The following PRKG1 variants were observed in gnomAD, a reference collection of about 807,000 sequenced individuals.
PRKG1 encodes the protein cGMP-dependent protein kinase 1.
PRKG1 carries 35 observed loss-of-function variants against 88.1 expected under a neutral mutation model. The ratio of observed to expected loss-of-function variants is 0.40; its 90% CI spans 0.30 to 0.53. The LOEUF is 0.53. PRKG1 is among the 20% of genes least tolerant of loss of function. The pLI is 0.59. For synonymous variants in PRKG1, 303 were observed against 292.5 expected, an observed-to-expected ratio of 1.04 and a Z score of -0.37; for missense variants, 540 against 839.8, an observed-to-expected ratio of 0.64 and a Z score of 4.41.
chr10:51,060,554 TACTC>T (rs1843681081), intron 1 of PRKG1, among the ~76,000 whole-genome samples: 1 of 152,176 alleles, frequency 6.6e-6, no homozygotes, highest in Admixed American at 6.5e-5. Context: ...CATTTATTAA[TACTC>T]AGACAGTGAA....
At chr10:52,262,992 G>A (rs1188635051) in intron 10 of PRKG1, among the ~76,000 whole-genome samples, 1 of 152,070 alleles carries the variant, frequency 6.6e-6, no homozygotes, top group African/African-American at 2.4e-5. Flanking sequence ...TTTGAATGTG[G>A]ATGCAGAACC....
intron 3 of PRKG1, among the ~76,000 whole-genome samples, chr10:51,615,907 T>C (rs1839040206): frequency 6.6e-6 from 1 of 152,184 alleles, no homozygotes; most frequent in African/African-American, 2.4e-5. Context: ...CCCTGTGTTC[T>C]GACCTTGATA....
At chr10:51,908,299 T>A (rs2132947534) in intron 5 of PRKG1, 1 of 152,314 alleles carries the variant, frequency 6.6e-6, no homozygotes, top group Non-Finnish European at 1.5e-5. Flanking sequence ...ACTTTTTCTC[T>A]AAAGGTTAAA....
Position 51,652,773 on chromosome 10 carries a change from T to C in PRKG1, c.593-151812T>C, listed in dbSNP as rs1003239128. ...CTATTACTTTAGCAATTTTGAAATA[T>C]GCATTACTATTAACTACAGTCACCA... On this transcript the variant is annotated intron_variant, in intron 3 of 17. Coordinates refer to ENST00000373980, the MANE Select transcript of PRKG1 (RefSeq NM_006258.4). Among the ~76,000 whole-genome samples the C allele has an allele frequency of 1.5e-4, 23 of 152,208 alleles. 1 individual carries two copies. Among genetic ancestry groups the C allele is most frequent in the Admixed American group, 1.4e-3 (21 of 15,282 alleles).
chr10:51,058,736 T>C (rs1463197831), intron 1 of PRKG1, among the ~76,000 whole-genome samples: 2 of 152,156 alleles, frequency 1.3e-5, no homozygotes, highest in Admixed American at 1.3e-4. Flanking sequence ...TACTCTAAGT[T>C]AGTGAATGAA....
chr10:51,012,755 A>C (rs1723778094), intron 1 of PRKG1, among the ~76,000 whole-genome samples: 1 of 152,270 alleles, frequency 6.6e-6, no homozygotes, highest in African/African-American at 2.4e-5. Context: ...AAGACAAAAA[A>C]GTCAAATTGT....
At chr10:51,111,961 T>C (rs1350988577) in intron 1 of PRKG1, among the ~76,000 whole-genome samples, 3 of 152,188 alleles carry the variant, frequency 2.0e-5, no homozygotes, top group Non-Finnish European at 2.9e-5. Context: ...CATGCTACTA[T>C]GCACCACCTA....
At chr10:51,187,538 C>A (rs1041730385) in intron 2 of PRKG1, among the ~76,000 whole-genome samples, 3 of 151,968 alleles carry the variant, frequency 2.0e-5, no homozygotes, top group Non-Finnish European at 4.4e-5. Context: ...CACCCAAATT[C>A]CTGAATTTGT....
intron 1 of PRKG1, among the ~76,000 whole-genome samples, chr10:50,997,228 T>C (rs1842845348): frequency 1.3e-5 from 2 of 152,216 alleles, no homozygotes; most frequent in South Asian, 2.1e-4. Context: ...CTTCAACTTA[T>C]CTGTTTAACT....
intron 5 of PRKG1, among the ~76,000 whole-genome samples, chr10:51,931,354 CCA>C (rs1842691316): frequency 2.0e-5 from 3 of 152,098 alleles, no homozygotes; most frequent in Admixed American, 6.6e-5. Flanking sequence ...TAGCTTATTT[CCA>C]TAATTCCAGT....
At chr10:52,043,182 T>C (rs778804987) in intron 5 of PRKG1, among the ~76,000 whole-genome samples, 13 of 152,102 alleles carry the variant, frequency 8.5e-5, no homozygotes, top group Non-Finnish European at 1.2e-4. Context: ...AAATTAGAAA[T>C]AGAGCTGTCC....
intron 5 of PRKG1, among the ~76,000 whole-genome samples, chr10:51,979,728 G>A (rs1843956789): frequency 6.7e-6 from 1 of 149,576 alleles, no homozygotes; most frequent in African/African-American, 2.5e-5. Context: ...TTGGGAGGAT[G>A]TATATATCCA....
intron 1 of PRKG1, among the ~76,000 whole-genome samples, chr10:51,131,010 A>G (rs1233133031): frequency 5.9e-5 from 9 of 152,230 alleles, no homozygotes; most frequent in Non-Finnish European, 8.8e-5. Flanking sequence ...CAGGATGAAA[A>G]TGAGTTTTAT....
intron 5 of PRKG1, among the ~76,000 whole-genome samples, chr10:52,011,094 G>T (rs1429973644): frequency 2.6e-5 from 4 of 152,206 alleles, no homozygotes; most frequent in Non-Finnish European, 5.9e-5. Flanking sequence ...AGTACCCAGA[G>T]CAGAATGTGG....
At chr10:51,846,567 TG>T (rs1840404439) in intron 4 of PRKG1, among the ~76,000 whole-genome samples, 1 of 152,206 alleles carries the variant, frequency 6.6e-6, no homozygotes, top group Non-Finnish European at 1.5e-5. Context: ...TGCCTTTTTC[TG>T]CCACTATATT....
At chr10:51,356,878 G>A (rs1842377081) in intron 2 of PRKG1, among the ~76,000 whole-genome samples, 1 of 151,942 alleles carries the variant, frequency 6.6e-6, no homozygotes, top group South Asian at 2.1e-4. Flanking sequence ...TTATAATTGG[G>A]AATTTTTCTA....
chr10:51,734,400 A>C (rs1837210309), intron 3 of PRKG1, among the ~76,000 whole-genome samples: 1 of 152,190 alleles, frequency 6.6e-6, no homozygotes, highest in African/African-American at 2.4e-5. Context: ...TAAATATGAG[A>C]GATATTGTTA....
chr10:51,095,411 G>C (rs1472351530), intron 1 of PRKG1, among the ~76,000 whole-genome samples: 1 of 152,060 alleles, frequency 6.6e-6, no homozygotes, highest in Non-Finnish European at 1.5e-5. Flanking sequence ...ACTTAACTCA[G>C]GTTCAAGCGG....
chr10:51,131,005 T>C (rs1206321567), intron 1 of PRKG1, among the ~76,000 whole-genome samples: 3 of 152,226 alleles, frequency 2.0e-5, no homozygotes, highest in African/African-American at 7.2e-5. Context: ...CTGTGCAGGA[T>C]GAAAATGAGT....
Sources: allele counts gnomAD v4.1 joint callset (sites outside exome capture counted in the v4.1 genomes callset), GRCh38; gene constraint gnomAD v4.1.1; transcripts MANE v1.5; gene names NCBI Gene and HGNC (gene_info 2026-07-23, HGNC 2026-07-21).